Variants in ATL2 observed in about 807,000 individuals in gnomAD.
The protein encoded by ATL2 is atlastin GTPase 2.
In ATL2, 31 loss-of-function variants were observed where a neutral mutation model predicts 73.9. The ratio of observed to expected loss-of-function variants is 0.42; its 90% CI spans 0.32 to 0.57. The LOEUF is 0.57. Among genes scored for constraint, ATL2 ranks in the 20% least tolerant of loss-of-function variants. ATL2 has a pLI of 0.14. For synonymous variants in ATL2, 291 were observed against 237.5 expected, an observed-to-expected ratio of 1.23 and a Z score of -2.07; for missense variants, 738 against 702.6, an observed-to-expected ratio of 1.05 and a Z score of -0.57.
At chr2:38,334,871 A>T (rs1217954655) in intron 2 of ATL2, among the ~76,000 whole-genome samples, 2 of 39,278 alleles carry the variant, frequency 5.1e-5, no homozygotes, top group African/African-American at 9.4e-5. Context: ...ATATTATATA[A>T]TATATATTAT....
chr2:38,306,851 C>G (rs1667473548), intron 9 of ATL2, among the ~76,000 whole-genome samples: 1 of 152,024 alleles, frequency 6.6e-6, no homozygotes, highest in South Asian at 2.1e-4. Flanking sequence ...CAAGGATACC[C>G]ACTTTCACCA....
chr2:38,312,944 T>C (rs899627007), intron 7 of ATL2, among the ~76,000 whole-genome samples: 1 of 152,202 alleles, frequency 6.6e-6, no homozygotes, highest in Non-Finnish European at 1.5e-5. Context: ...ATCATGATCC[T>C]TAATTTTGAT....
At chr2:38,371,209 A>AG (rs201690938) in intron 1 of ATL2, among the ~76,000 whole-genome samples, 9 of 151,560 alleles carry the variant, frequency 5.9e-5, no homozygotes, top group African/African-American at 2.2e-4. Flanking sequence ...AAAAAAAAAA[A>AG]AAAGAAAGAA....
At chr2:38,329,423 C>CAAAAAAAAAAAAAAAAAAAAAA (rs70954711) in intron 2 of ATL2, among the ~76,000 whole-genome samples, 11 of 13,668 alleles carry the variant, frequency 8.0e-4, no homozygotes, top group African/African-American at 1.2e-3. Flanking sequence ...ACTCCATCTC[C>CAAAAAAAAAAAAAAAAAAAAAA]AAAAAAAAAA....
chr2:38,374,696 G>T (rs1671865847), intron 1 of ATL2, among the ~76,000 whole-genome samples: 1 of 152,126 alleles, frequency 6.6e-6, no homozygotes, highest in African/African-American at 2.4e-5. Flanking sequence ...AATATATGTT[G>T]AACTCCATCC....
In ATL2 at chr2:38,298,265, C is replaced by A; in HGVS notation, c.1511G>T (p.Cys504Phe). The stretch of plus-strand genomic sequence containing the variant: ...CAGTGCTAACCCCATGACAAGGTTA[C>A]ACAAGACAGCTATAGAGTTTAGGCC... The part of the protein sequence containing the change: ...FIGLNSIAVL[C>F]NLVMGLALIF... The change falls in exon 12 of 13, where the codon TGT becomes TTT. Residue 504 changes from cysteine (C) to phenylalanine (F), a missense_variant. Cys to Phe is a radical substitution (Grantham distance 205). Coordinates refer to ENST00000378954, the MANE Select transcript of ATL2 (RefSeq NM_001135673.4). 2 of 1,614,118 alleles carry A rather than the reference C, an allele frequency of 1.2e-6. No homozygotes were observed. Among genetic ancestry groups the A allele is most frequent in the Non-Finnish European group, 8.5e-7 (1 of 1,179,986 alleles).
At chr2:38,324,142 G>T (rs772725925) in intron 2 of ATL2, among the ~76,000 whole-genome samples, 1 of 152,164 alleles carries the variant, frequency 6.6e-6, no homozygotes, top group Non-Finnish European at 1.5e-5. Context: ...GCCAAGCATG[G>T]TGGTGCATGC....
At chr2:38,363,800 T>G (rs60984463) in intron 1 of ATL2, among the ~76,000 whole-genome samples, 1 of 152,318 alleles carries the variant, frequency 6.6e-6, no homozygotes, top group African/African-American at 2.4e-5. Flanking sequence ...GTCTTTACTC[T>G]TAACGGTTCT....
chr2:38,377,427 C>G, upstream of ATL2: 1 of 581,736 alleles, frequency 1.7e-6, no homozygotes, highest in Non-Finnish European at 2.9e-6. Context: ...TCTCCTCGCC[C>G]TCCCTCCGCC....
At chr2:38,333,711 G>A (rs1288750759) in intron 2 of ATL2, among the ~76,000 whole-genome samples, 2 of 152,098 alleles carry the variant, frequency 1.3e-5, no homozygotes, top group African/African-American at 2.4e-5. Context: ...CATACATTTG[G>A]GACTTAAAGC....
chr2:38,354,194 CAA>C (rs1208475028), intron 1 of ATL2: 5 of 414,202 alleles, frequency 1.2e-5, no homozygotes, highest in African/African-American at 3.4e-5. Flanking sequence ...CAAAAAAAAG[CAA>C]AGAGTATCTG....
chr2:38,347,674 T>A (rs909437738), intron 1 of ATL2, among the ~76,000 whole-genome samples: 3 of 152,120 alleles, frequency 2.0e-5, no homozygotes, highest in Non-Finnish European at 4.4e-5. Context: ...CCTACAACAG[T>A]GCCTGACACC....
In ATL2 at chr2:38,367,245, G is replaced by A. The variant is rs571506538; in HGVS notation, c.118+9898C>T. ...TTGCTTTTCTTCTACCACGCTACTA[G>A]GCACTGAAACAGATGCCCACTCTCC... On this transcript the variant is annotated intron_variant, in intron 1 of 12. Coordinates refer to ENST00000378954, the MANE Select transcript of ATL2 (RefSeq NM_001135673.4). Among the ~76,000 whole-genome samples the A allele has an allele frequency of 3.3e-5, 5 of 151,882 alleles. No homozygotes were observed. In the South Asian group the frequency reaches 8.3e-4, roughly 25 times the overall value.
In ATL2 at chr2:38,298,548, C is replaced by T. The variant is rs771115333; in HGVS notation, c.1228G>A (p.Ala410Thr). The T allele has an allele frequency of 2.5e-6, 4 of 1,614,070 alleles. No individual in the cohort carries two copies. Among genetic ancestry groups the T allele is most frequent in the East Asian group, 4.5e-5 (2 of 44,892 alleles). ...TGTTTTCGCTCCAGATCTGAAGGTG[C>T]AATGTAAGGCTTGTCCCCTCCACAT... ...QVCGGDKPYI[A>T]PSDLERKHLD... The change falls in exon 12 of 13, where the codon GCA (alanine) becomes ACA (threonine). Residue 410 changes from alanine (A) to threonine (T), a missense_variant. By Grantham distance (58) the Ala-to-Thr change is moderately conservative (BLOSUM62 0). Coordinates refer to ENST00000378954, the MANE Select transcript of ATL2 (RefSeq NM_001135673.4).
In ATL2 at chr2:38,350,389, G is replaced by A. The variant is rs183285403; in HGVS notation, c.119-6877C>T. 1.5e-3 allele frequency among the ~76,000 whole-genome samples: 233 copies of A among 152,166 alleles called. 2 individuals are homozygous for A. The highest frequency in any genetic ancestry group is 1.8e-3 in the Non-Finnish European group (124 of 68,016). ...CCTACCTAATATCTATTTGCCACAC[G>A]GCCTAACAAAAGAAAGGTGTCTTAG... On this transcript the variant is annotated intron_variant, in intron 1 of 12. Coordinates refer to ENST00000378954, the MANE Select transcript of ATL2 (RefSeq NM_001135673.4).
In ATL2 at chr2:38,377,241, G is replaced by T. The variant is rs748506445; in HGVS notation, c.20C>A (p.Ala7Glu). ...CTGGTGCGGTTGCTGCCCTCGCGCT[G>T]CCTCGTCCCCCTCCGCCATCTTGTA... is the stretch of plus-strand genomic sequence containing the variant. MAEGDEAARGQQPHQGL... is the reference protein window; with the variant it reads MAEGDEEARGQQPHQGL... Residue 7 changes from alanine (A) to glutamate (E), a missense_variant, in exon 1 of 13, where the codon GCA (alanine) becomes GAA (glutamate). Ala to Glu is a moderately radical substitution (Grantham distance 107). Transcript: ENST00000378954. 6 of 1,596,116 alleles carry T rather than the reference G, an allele frequency of 3.8e-6. No individual in the cohort carries two copies. The highest frequency in any genetic ancestry group is 4.3e-6 in the Non-Finnish European group (5 of 1,172,128).
chr2:38,360,276 G>A (rs1437946151), intron 1 of ATL2, among the ~76,000 whole-genome samples: 1 of 124,550 alleles, frequency 8.0e-6, no homozygotes. Context: ...TTTTTTTTAA[G>A]ATTTTGGGTG....
At chr2:38,347,752 T>C (rs72902192) in intron 1 of ATL2, among the ~76,000 whole-genome samples, 8,073 of 150,894 alleles carry the variant, frequency 0.054, 734 homozygotes, top group African/African-American at 0.19. Context: ...TCAGGAGTCT[T>C]ACATCTGCCC....
rs375300828 is a variant in ATL2 at position 38,317,167 on chromosome 2, A to G, written c.603+1368T>C. Reference sequence around the variant, plus strand: ...TTACTGGAAAGCATAAAAAAATCCAAGACACTGTGACAGCATCACCTATGA... The same window carrying G: ...TTACTGGAAAGCATAAAAAAATCCAGGACACTGTGACAGCATCACCTATGA... On this transcript the variant is annotated intron_variant, in intron 4 of 12. Transcript: ENST00000378954. Among the ~76,000 whole-genome samples, 10 of 152,190 alleles carry G rather than the reference A, an allele frequency of 6.6e-5. No homozygotes were observed. In the East Asian group the frequency reaches 1.9e-3, roughly 29 times the overall value.
Sources: gnomAD v4.1 joint callset for allele counts (sites outside exome capture counted in the v4.1 genomes callset) on GRCh38, gnomAD v4.1.1 for gene constraint, MANE v1.5 for transcripts, NCBI Gene and HGNC (gene_info 2026-07-23, HGNC 2026-07-21) for gene names.